Variants in OGT observed in about 807,000 individuals in gnomAD.
The protein encoded by OGT is UDP-N-acetylglucosamine--peptide N-acetylglucosaminyltransferase 110 kDa subunit.
In OGT, 3 loss-of-function variants were observed where a neutral mutation model predicts 75.8. The ratio of observed to expected loss-of-function variants is 0.04; its 90% CI spans 0.02 to 0.10. The LOEUF (loss-of-function observed/expected upper bound fraction) is 0.10. Among genes scored for constraint, OGT ranks in the 10% least tolerant of loss-of-function variants. OGT has a pLI of 1.00. For missense variants in OGT, 260 were observed against 824.4 expected, an observed-to-expected ratio of 0.32 and a Z score of 8.38; for synonymous variants, 257 against 289.7, an observed-to-expected ratio of 0.89 and a Z score of 1.15.
chrX:71,549,346 C>T (rs1480825713), intron 5 of OGT, among the ~76,000 whole-genome samples: 2 of 100,367 alleles, frequency 2.0e-5, no homozygotes, highest in Non-Finnish European at 4.0e-5. Context: ...AGGATGTTCA[C>T]TAAGTGTTAC....
intron 1 of OGT, among the ~76,000 whole-genome samples, chrX:71,534,076 G>A (rs1418522475): frequency 9.0e-6 from 1 of 110,588 alleles, no homozygotes; most frequent in African/African-American, 3.3e-5. Flanking sequence ...TTCCCTTCGC[G>A]AGGTTGCCAG....
At position 71,559,569 on chromosome X, in the gene OGT, G is replaced by A. The variant is rs1192616746; in HGVS notation, c.1762-19G>A. 1.7e-6 allele frequency: 2 copies of A among 1,190,910 alleles called. No homozygotes were observed. Among genetic ancestry groups the A allele is most frequent in the Admixed American group, 2.2e-5 (1 of 45,053 alleles). ...GATTTGAGCCAATGTTATTAAATATGCCATGTGCTGCCTTTCAGGTGTTCT... is the reference window on the plus strand; with the variant it reads ...GATTTGAGCCAATGTTATTAAATATACCATGTGCTGCCTTTCAGGTGTTCT... On this transcript the variant is annotated intron_variant, in intron 13 of 21. Transcript: ENST00000373719.
At chrX:71,573,458 AGATGTGACCCTTCCCTTTTTAGCAC>A (rs2040471452) in intron 21 of OGT, among the ~76,000 whole-genome samples, 137 bp from the exon 22 acceptor site, 1 of 112,254 alleles carries the variant, frequency 8.9e-6, no homozygotes, top group Admixed American at 9.5e-5. Flanking sequence ...GCATTATGCA[AGATGTGACCCTTCCCTTTTTAGCAC>A]GAAGCCAATC....
rs1234299780 is a variant in OGT at position 71,570,041 on chromosome X, T to TG, written c.2966+1925_2966+1926insG. 1.7e-3 allele frequency among the ~76,000 whole-genome samples: 116 copies of TG among 66,840 alleles called. 1 individual carries two copies. Among genetic ancestry groups the TG allele is most frequent in the African/African-American group, 6.6e-3 (113 of 17,128 alleles). 58.0% of individuals were successfully genotyped at this position (66,840 alleles called of 115,157 possible). A position where few individuals can be genotyped will look rare whatever the true frequency, so the allele number is the denominator to read the frequency against. Reference sequence around the variant, plus strand: ...GAGCCACTGTGCCTGGCGTTTTTTTTTTTTTTTTTTTTTTTTTTGGAGACA... The same window carrying TG: ...GAGCCACTGTGCCTGGCGTTTTTTTTGTTTTTTTTTTTTTTTTTTGGAGACA... On this transcript the variant is annotated intron_variant, in intron 21 of 21. Coordinates refer to ENST00000373719, the MANE Select transcript of OGT (RefSeq NM_181672.3).
At chrX:71,546,186 C>A (rs2040258555) in intron 4 of OGT, 1 of 754,309 alleles carries the variant, frequency 1.3e-6, no homozygotes, top group Non-Finnish European at 1.6e-6. Flanking sequence ...AACCCTCTCC[C>A]TTCTGCATGT....
At chrX:71,568,599 G>A (rs1432172941) in intron 21 of OGT, among the ~76,000 whole-genome samples, 6 of 111,189 alleles carry the variant, frequency 5.4e-5, no homozygotes, top group Non-Finnish European at 7.5e-5. Context: ...AGGCTTAGGC[G>A]GGCGGATCAC....
intron 9 of OGT, 44 bp downstream of exon 9, chrX:71,556,824 T>G (rs1167493049): frequency 2.4e-5 from 25 of 1,053,289 alleles, no homozygotes; most frequent in Admixed American, 2.0e-4. Context: ...ATTTTTAATT[T>G]TAAAATGTTT....
chrX:71,564,878 T>C, intron 19 of OGT, 125 bp downstream of exon 19: 1 of 488,898 alleles, frequency 2.0e-6, no homozygotes, highest in South Asian at 4.2e-5. Flanking sequence ...TTTTTTTGGC[T>C]GGGTGCAGTG....
chrX:71,538,322 A>G (rs758191540), intron 3 of OGT, among the ~76,000 whole-genome samples: 1 of 112,817 alleles, frequency 8.9e-6, no homozygotes, highest in East Asian at 2.7e-4. Context: ...TTAAAATAAC[A>G]CGTATAAAGT....
intron 3 of OGT, among the ~76,000 whole-genome samples, chrX:71,544,056 G>A (rs2040243192): frequency 1.8e-5 from 2 of 110,132 alleles, no homozygotes; most frequent in Non-Finnish European, 3.8e-5. Context: ...AAAGTGTGGG[G>A]ATTACAGGCA....
rs1016269335 is a variant in OGT at position 71,574,531 on chromosome X, A to G, written c.*737A>G. 1 of 111,486 alleles carries G rather than the reference A, an allele frequency of 9.0e-6. No homozygotes were observed. The highest frequency in any genetic ancestry group is 3.3e-5 in the African/African-American group (1 of 30,595). 9.2% of individuals were successfully genotyped at this position (111,486 alleles called of 1,213,427 possible). ...AACAAAATCAAGCCTGATTCAAAACATCCTAGGGTGTTTTAAACACACCAT... is the reference window on the plus strand; with the variant it reads ...AACAAAATCAAGCCTGATTCAAAACGTCCTAGGGTGTTTTAAACACACCAT... On this transcript the variant is annotated 3_prime_UTR_variant, in exon 22 of 22. Transcript: ENST00000373719.
At chrX:71,569,002 A>G (rs2040435487) in intron 21 of OGT, among the ~76,000 whole-genome samples, 1 of 112,001 alleles carries the variant, frequency 8.9e-6, no homozygotes, top group Non-Finnish European at 1.9e-5. Context: ...ATAAATTGGT[A>G]CAGCCCTTCC....
rs184221522 is a variant in OGT at position 71,534,911 on chromosome X, G to A, written c.38-1267G>A. ...AAGTCTCAATGCTCTTTGTGTTGGT[G>A]GTCAGCTGTGCATTCTGTCAGGAAA... On this transcript the variant is annotated intron_variant, in intron 1 of 21. Transcript: ENST00000373719. Among the ~76,000 whole-genome samples, 11 of 111,676 alleles carry A rather than the reference G, an allele frequency of 9.8e-5. No homozygotes were observed. In the East Asian group the frequency reaches 3.1e-3, roughly 31 times the overall value.
chrX:71,569,500 A>AT (rs1045608291), intron 21 of OGT, among the ~76,000 whole-genome samples: 9 of 109,867 alleles, frequency 8.2e-5, no homozygotes, highest in Admixed American at 1.9e-4. Flanking sequence ...TCATTCTTTT[A>AT]TTTTTTTTGA....
chrX:71,557,422 C>T, intron 11 of OGT, 71 bp from the exon 12 acceptor site: 1 of 1,117,654 alleles, frequency 8.9e-7, no homozygotes. Flanking sequence ...TTACTTTAGG[C>T]CAAAGACATA....
chrX:71,553,208 C>T (rs749570982), intron 5 of OGT, among the ~76,000 whole-genome samples: 40 of 111,369 alleles, frequency 3.6e-4, no homozygotes, highest in Non-Finnish European at 7.4e-4. Flanking sequence ...TCTCCTGCCT[C>T]GGCCTCCTGA....
intron 20 of OGT, 105 bp from the exon 21 acceptor site, chrX:71,567,888 A>G (rs2040426595): frequency 7.4e-6 from 8 of 1,079,946 alleles, no homozygotes; most frequent in Non-Finnish European, 1.0e-5. Flanking sequence ...ACTTGTTCTC[A>G]CTTCATTCTC....
intron 1 of OGT, among the ~76,000 whole-genome samples, chrX:71,533,546 T>C: frequency 8.9e-6 from 1 of 112,162 alleles, no homozygotes; most frequent in East Asian, 2.8e-4. Flanking sequence ...CCTTGCTTGC[T>C]TTTTGCTGCC....
At chrX:71,533,592 C>T (rs1381559986) in intron 1 of OGT, among the ~76,000 whole-genome samples, 2 of 111,666 alleles carry the variant, frequency 1.8e-5, no homozygotes. Flanking sequence ...AATGTTCTAG[C>T]ATTCCACTCT....
Sources: gnomAD v4.1 joint callset for allele counts (sites outside exome capture counted in the v4.1 genomes callset) on GRCh38, gnomAD v4.1.1 for gene constraint, MANE v1.5 for transcripts, NCBI Gene and HGNC (gene_info 2026-07-23, HGNC 2026-07-21) for gene names.